CPT1A: variants seen among roughly 807,000 people sequenced by gnomAD.
CPT1A encodes the protein carnitine palmitoyltransferase 1A.
Under a neutral mutation model 100.8 loss-of-function variants are expected in CPT1A, and 64 were observed. The ratio of observed to expected loss-of-function variants is 0.63; its 90% CI spans 0.52 to 0.78. The LOEUF (loss-of-function observed/expected upper bound fraction) is 0.78. Among genes scored for constraint, CPT1A ranks in the 30% least tolerant of loss-of-function variants. CPT1A has a pLI of 0.00. For missense variants in CPT1A, 802 were observed against 1,034.1 expected, an observed-to-expected ratio of 0.78 and a Z score of 3.08; for synonymous variants, 363 against 396.0, an observed-to-expected ratio of 0.92 and a Z score of 0.99.
At chr11:68,799,015 C>A (rs371153251) in intron 6 of CPT1A, among the ~76,000 whole-genome samples, 4 of 152,038 alleles carry the variant, frequency 2.6e-5, no homozygotes, top group African/African-American at 9.7e-5. Context: ...ATCCAAAAAC[C>A]AAGAAACTGT....
intron 1 of CPT1A, among the ~76,000 whole-genome samples, chr11:68,838,582 A>AAAAAAAAAAAAAAAAC (rs1555235335): frequency 4.1e-5 from 6 of 145,288 alleles, no homozygotes; most frequent in South Asian, 4.4e-4. Flanking sequence ...TAAAAAAAAA[A>AAAAAAAAAAAAAAAAC]AAAAAAAAAC....
At chr11:68,770,075 G>A (rs1854945450) in intron 14 of CPT1A, among the ~76,000 whole-genome samples, 1 of 144,520 alleles carries the variant, frequency 6.9e-6, no homozygotes, top group African/African-American at 2.5e-5. Context: ...AAAAAAAACA[G>A]TGTGAACTGG....
chr11:68,831,871 G>A (rs369336656), intron 1 of CPT1A, among the ~76,000 whole-genome samples: 2 of 151,886 alleles, frequency 1.3e-5, no homozygotes, highest in African/African-American at 2.4e-5. Context: ...GACCCCAAGC[G>A]ATCCGTCTGC....
upstream of CPT1A, among the ~76,000 whole-genome samples, chr11:68,842,994 C>T (rs1276400618): frequency 6.6e-6 from 1 of 152,254 alleles, no homozygotes; most frequent in African/African-American, 2.4e-5. Flanking sequence ...ATGAACCCTG[C>T]TCTTTTTAAG....
chr11:68,767,163 C>T (rs1468730728), intron 14 of CPT1A, among the ~76,000 whole-genome samples: 1 of 152,196 alleles, frequency 6.6e-6, no homozygotes, highest in East Asian at 1.9e-4. Context: ...CCATTCTTAG[C>T]TTTCTAAGCC....
At chr11:68,772,297 G>A (rs181503179) in intron 14 of CPT1A, among the ~76,000 whole-genome samples, 2 of 152,262 alleles carry the variant, frequency 1.3e-5, no homozygotes, top group Non-Finnish European at 1.5e-5. Context: ...AGGTTGCAGT[G>A]AGCCGAGATC....
At position 68,757,737 on chromosome 11, in the gene CPT1A, T is replaced by G. The variant is rs770912592; in HGVS notation, c.2236-7A>C. 9.3e-6 allele frequency: 15 copies of G among 1,613,474 alleles called. No homozygotes were observed. The highest frequency in any genetic ancestry group is 5.9e-6 in the Non-Finnish European group (7 of 1,179,808). On this transcript the variant is annotated splice_polypyrimidine_tract_variant and splice_region_variant and intron_variant, in intron 18 of 18. Coordinates refer to ENST00000265641, the MANE Select transcript of CPT1A (RefSeq NM_001876.4). Reference sequence around the variant, plus strand: ...TTCCAAAGCGATGAGAATCCTTTCATGTAAAAACAAAAACCAAAAACCTAT... The same window carrying G: ...TTCCAAAGCGATGAGAATCCTTTCAGGTAAAAACAAAAACCAAAAACCTAT...
rs533259989 is a variant in CPT1A, at chr11:68,758,616, CT to C, written c.2236-887del. On this transcript the variant is annotated intron_variant, in intron 18 of 18. Coordinates refer to ENST00000265641, the MANE Select transcript of CPT1A (RefSeq NM_001876.4). ...TGTTAAACCAAATTAGATACATTTC[CT>C]TTTTTTTTTTTTTTTTTCTGAGACG... is the stretch of plus-strand genomic sequence containing the variant. Among the ~76,000 whole-genome samples the C allele has an allele frequency of 4.9e-3, 682 of 138,162 alleles. 2 individuals carry two copies. Among genetic ancestry groups the C allele is most frequent in the Non-Finnish European group, 6.2e-3 (394 of 63,606 alleles). 90.6% of individuals were successfully genotyped at this position (138,162 alleles called of 152,430 possible).
intron 9 of CPT1A, among the ~76,000 whole-genome samples, chr11:68,792,803 C>T (rs1294451369): frequency 1.3e-5 from 2 of 152,250 alleles, no homozygotes; most frequent in East Asian, 1.9e-4. Flanking sequence ...AATCCCAGCA[C>T]TTCGGGAGGC....
intron 1 of CPT1A, among the ~76,000 whole-genome samples, chr11:68,818,006 C>T (rs1246364605): frequency 6.6e-6 from 1 of 152,004 alleles, no homozygotes; most frequent in Non-Finnish European, 1.5e-5. Flanking sequence ...GGAGAAGCAT[C>T]CAAGGGCCCA....
In CPT1A at chr11:68,775,274, C is replaced by G. The variant is rs746427304; in HGVS notation, c.1575+42G>C. The G allele has an allele frequency of 2.7e-6, 4 of 1,480,708 alleles. No individual in the cohort carries two copies. In the Admixed American group the frequency reaches 5.0e-5, roughly 19 times the overall value. The allele number at this position is 1,480,708 out of a possible 1,614,324, so 91.7% of individuals were successfully genotyped here. On this transcript the variant is annotated intron_variant, in intron 13 of 18. Coordinates refer to ENST00000265641, the MANE Select transcript of CPT1A (RefSeq NM_001876.4). ...ATCTGTAAGACTTCAAATGTGTTTCCCATCCCAGGTAAGTAACAATGGTTG... is the reference window on the plus strand; with the variant it reads ...ATCTGTAAGACTTCAAATGTGTTTCGCATCCCAGGTAAGTAACAATGGTTG...
upstream of CPT1A, chr11:68,841,939 G>A: frequency 1.0e-6 from 1 of 984,928 alleles, no homozygotes; most frequent in Non-Finnish European, 1.2e-6. The surrounding 1 kb of genome is among the most constrained non-coding windows in gnomAD (Gnocchi z 6.3). Flanking sequence ...TCCGGCTGCG[G>A]CGCCTGCAGG....
At chr11:68,822,872 G>T (rs1323548132) in intron 1 of CPT1A, among the ~76,000 whole-genome samples, 1 of 152,136 alleles carries the variant, frequency 6.6e-6, no homozygotes, top group Non-Finnish European at 1.5e-5. Flanking sequence ...CTAAATGTCT[G>T]GAACAAGCAA....
intron 18 of CPT1A, among the ~76,000 whole-genome samples, chr11:68,758,111 T>C (rs1946727505): frequency 6.6e-6 from 1 of 151,876 alleles, no homozygotes; most frequent in Admixed American, 6.6e-5. Flanking sequence ...CTACAAAAAA[T>C]ACAAAAATCA....
At chr11:68,820,015 CGTT>C (rs1856536039) in intron 1 of CPT1A, among the ~76,000 whole-genome samples, 1 of 150,234 alleles carries the variant, frequency 6.7e-6, no homozygotes, top group African/African-American at 2.5e-5. Flanking sequence ...ACAGTTTGCA[CGTT>C]TGTTTGTTTG....
chr11:68,781,989 C>G, intron 10 of CPT1A, 30 bp from the exon 11 acceptor site: 2 of 1,594,862 alleles, frequency 1.3e-6, no homozygotes, highest in Non-Finnish European at 1.7e-6. Context: ...CGATTAAAGG[C>G]AGCCCGACCT....
intron 1 of CPT1A, among the ~76,000 whole-genome samples, chr11:68,834,071 T>A (rs1333850185): frequency 6.6e-6 from 1 of 152,246 alleles, no homozygotes. Context: ...CACAGTGGAT[T>A]TCCTGTACTG....
chr11:68,836,224 C>T (rs1448180589), intron 1 of CPT1A, among the ~76,000 whole-genome samples: 1 of 152,188 alleles, frequency 6.6e-6, no homozygotes, highest in African/African-American at 2.4e-5. Flanking sequence ...GCCTGGAATC[C>T]CAACGCTTTG....
chr11:68,808,085 C>T (rs559867506), intron 3 of CPT1A, among the ~76,000 whole-genome samples: 6 of 152,322 alleles, frequency 3.9e-5, no homozygotes, highest in South Asian at 2.1e-4. Context: ...CCGGCAGGTG[C>T]GCAGGAGATT....
Sources: allele counts gnomAD v4.1 joint callset (sites outside exome capture counted in the v4.1 genomes callset), GRCh38; gene constraint gnomAD v4.1.1; non-coding constraint Gnocchi (gnomAD v3.1); transcripts MANE v1.5; gene names NCBI Gene and HGNC (gene_info 2026-07-23, HGNC 2026-07-21).